SCN3A: variants seen among roughly 807,000 people sequenced by gnomAD.
The protein encoded by SCN3A is sodium channel protein type 3 subunit alpha.
SCN3A carries 60 observed loss-of-function variants against 187.6 expected under a neutral mutation model. The observed-to-expected ratio is 0.32, with a 90% CI of 0.26 to 0.40. SCN3A has a LOEUF of 0.40. Ranked by LOEUF, SCN3A falls within the 10% of genes least tolerant of loss-of-function variation. The pLI, the probability that SCN3A is intolerant of heterozygous loss-of-function variation, is 1.00. For missense variants in SCN3A, 1,601 were observed against 2,428.2 expected, an observed-to-expected ratio of 0.66 and a Z score of 7.16; for synonymous variants, 788 against 829.2, an observed-to-expected ratio of 0.95 and a Z score of 0.85.
chr2:165,178,395 T>G (rs1690608030), intron 2 of SCN3A, among the ~76,000 whole-genome samples: 1 of 151,946 alleles, frequency 6.6e-6, no homozygotes, highest in African/African-American at 2.4e-5. Context: ...CCTGGATCAT[T>G]TTTGTATCTT....
At chr2:165,178,168 A>G (rs886466087) in intron 2 of SCN3A, among the ~76,000 whole-genome samples, 1 of 152,098 alleles carries the variant, frequency 6.6e-6, no homozygotes, top group Non-Finnish European at 1.5e-5. Flanking sequence ...CTTAATTACT[A>G]GTTCCCTGAT....
intron 7 of SCN3A, 106 bp downstream of exon 7, chr2:165,163,512 C>T (rs895991427): frequency 2.3e-5 from 30 of 1,285,484 alleles, no homozygotes; most frequent in Admixed American, 1.6e-4. Context: ...CATTATTTAA[C>T]GGGATGAACT....
At position 165,090,983 on chromosome 2, in the gene SCN3A, G is replaced by A. The variant is rs769702918; in HGVS notation, c.5170C>T (p.Pro1724Ser). ...LLAPILNSAP[P>S]DCDPDTIHPG... ...TGAATTGTGTCAGGGTCACAGTCGG[G>A]TGGTGCACTATTAAGAATAGGTGCT... Residue 1724 changes from proline (P) to serine (S), a missense_variant, in exon 28 of 28, where the codon CCC becomes TCC. This residue lies in a region of SCN3A where 320 missense variants were observed against 623.2 expected (regional missense o/e 0.51). Transcript: ENST00000283254. The surrounding 1 kb of genome is among the most constrained non-coding windows in gnomAD (Gnocchi z 4.0). 6.2e-7 allele frequency: 1 copy of A among 1,614,144 alleles called. No homozygotes were observed. The highest frequency in any genetic ancestry group is 1.1e-5 in the South Asian group (1 of 91,084).
chr2:165,178,778 A>G (rs1690640372), intron 2 of SCN3A, among the ~76,000 whole-genome samples: 1 of 152,130 alleles, frequency 6.6e-6, no homozygotes, highest in South Asian at 2.1e-4. Flanking sequence ...GTTTGAGAAA[A>G]ATTCTGTTTT....
chr2:165,164,468 T>C lies in SCN3A; in HGVS notation c.526A>G (p.Arg176Gly). Residue 176 changes from arginine to glycine, a missense_variant, in exon 6 of 28, where the codon AGA (arginine) becomes GGA (glycine). Physicochemically the swap from Arg to Gly is moderately radical, Grantham distance 125. Coordinates refer to ENST00000283254, the MANE Select transcript of SCN3A (RefSeq NM_006922.4). ...TFESLIKILA[R>G]GFCLEDFTFL... ...GTAAAATCTTCTAAGCAAAACCCTC[T>C]TGCCAAGATTTTTATAAGTGACTCA... 1 of 1,613,780 alleles carries C rather than the reference T, an allele frequency of 6.2e-7. No homozygotes were observed. The highest frequency in any genetic ancestry group is 8.5e-7 in the Non-Finnish European group (1 of 1,179,822).
At chr2:165,169,413 C>T (rs16850191) in intron 4 of SCN3A, among the ~76,000 whole-genome samples, 33,249 of 151,464 alleles carry the variant, frequency 0.22, 4,777 homozygotes, top group East Asian at 0.52. Flanking sequence ...TAGATTGTGG[C>T]GGACCCCAAC....
At chr2:165,107,544 G>T (rs1229270996) in intron 21 of SCN3A, among the ~76,000 whole-genome samples, 1 of 152,116 alleles carries the variant, frequency 6.6e-6, no homozygotes, top group Non-Finnish European at 1.5e-5. Flanking sequence ...TCTGCACAAG[G>T]GTGCTAGATA....
Position 165,090,019 on chromosome 2 carries a change from AG to A in SCN3A, c.*130del. 7.9e-7 allele frequency: 1 copy of A among 1,273,552 alleles called. No individual in the cohort carries two copies. Among genetic ancestry groups the A allele is most frequent in the Non-Finnish European group, 1.1e-6 (1 of 923,892 alleles). The allele number at this position is 1,273,552 out of a possible 1,614,324, so 78.9% of individuals were successfully genotyped here. ...GAGAGGTCACTTCACTGTCTTGTAT[AG>A]GCACTGACTATGAGTATTTGTTAAA... On this transcript the variant is annotated 3_prime_UTR_variant, in exon 28 of 28. Coordinates refer to ENST00000283254, the MANE Select transcript of SCN3A (RefSeq NM_006922.4). The surrounding 1 kb of genome is among the most constrained non-coding windows in gnomAD (Gnocchi z 4.0).
chr2:165,138,156 C>A (rs768449000), intron 14 of SCN3A, 39 bp from the exon 15 acceptor site: 9 of 1,406,002 alleles, frequency 6.4e-6, no homozygotes, highest in Non-Finnish European at 8.1e-6. Context: ...TAAATAACAA[C>A]AAAAATGAGT....
chr2:165,149,724 T>A (rs1688583671), intron 11 of SCN3A, among the ~76,000 whole-genome samples: 1 of 152,208 alleles, frequency 6.6e-6, no homozygotes, highest in South Asian at 2.1e-4. Flanking sequence ...ACTACCAATG[T>A]CCTGCGTATG....
intron 5 of SCN3A, among the ~76,000 whole-genome samples, chr2:165,167,582 T>C (rs1406241878): frequency 1.3e-5 from 2 of 152,206 alleles, no homozygotes; most frequent in Non-Finnish European, 2.9e-5. Flanking sequence ...TATTGTATTA[T>C]ACTATATATA....
chr2:165,134,966 G>A (rs1687576633), intron 15 of SCN3A, among the ~76,000 whole-genome samples: 1 of 151,718 alleles, frequency 6.6e-6, no homozygotes, highest in African/African-American at 2.4e-5. Context: ...ATGTAATCCC[G>A]CCATAAAACT....
intron 1 of SCN3A, among the ~76,000 whole-genome samples, chr2:165,201,885 T>C (rs1224222397): frequency 1.3e-5 from 2 of 152,004 alleles, no homozygotes; most frequent in Admixed American, 1.3e-4. Context: ...ATCAGAAAAT[T>C]TTAAAAACAA....
At chr2:165,154,808 A>C in intron 10 of SCN3A, 150 bp from the exon 11 acceptor site, 1 of 718,336 alleles carries the variant, frequency 1.4e-6, no homozygotes, top group South Asian at 1.7e-5. Flanking sequence ...TGATATGCTC[A>C]ACACACAAAA....
At chr2:165,184,434 A>C (rs1204249442) in intron 2 of SCN3A, among the ~76,000 whole-genome samples, 1 of 145,176 alleles carries the variant, frequency 6.9e-6, no homozygotes, top group Non-Finnish European at 1.5e-5. Context: ...GCTTAGGTGC[A>C]GGTAGACTAG....
At chr2:165,147,127 G>A in intron 11 of SCN3A, 98 bp from the exon 12 acceptor site, 15 of 1,358,280 alleles carry the variant, frequency 1.1e-5, no homozygotes, top group Non-Finnish European at 1.5e-5. Flanking sequence ...TTAACTACAA[G>A]TGAAAAGTCT....
intron 9 of SCN3A, among the ~76,000 whole-genome samples, chr2:165,158,112 T>C (rs1355458355): frequency 6.6e-6 from 1 of 152,214 alleles, no homozygotes; most frequent in East Asian, 1.9e-4. Context: ...TCATTGCTTC[T>C]AGGCCCTCTC....
intron 21 of SCN3A, among the ~76,000 whole-genome samples, chr2:165,112,143 G>T (rs1290512114): frequency 1.3e-5 from 2 of 152,166 alleles, no homozygotes; most frequent in East Asian, 3.8e-4. Context: ...CTTGTGCAAC[G>T]GAATATCACA....
intron 11 of SCN3A, among the ~76,000 whole-genome samples, chr2:165,152,267 G>A (rs1469603467): frequency 6.6e-6 from 1 of 152,152 alleles, no homozygotes; most frequent in Non-Finnish European, 1.5e-5. Context: ...AACTTAAACA[G>A]TTGTTATAAC....
Sources: gnomAD v4.1 joint callset for allele counts (sites outside exome capture counted in the v4.1 genomes callset) on GRCh38, gnomAD v4.1.1 for gene constraint, gnomAD v4.1.1 regional missense constraint, Gnocchi (gnomAD v3.1) non-coding constraint, MANE v1.5 for transcripts, NCBI Gene and HGNC (gene_info 2026-07-23, HGNC 2026-07-21) for gene names.